DPP6: variants seen among roughly 807,000 people sequenced by gnomAD.
The protein encoded by DPP6 is dipeptidyl peptidase like 6, also known as A-type potassium channel modulatory protein DPP6.
In DPP6, 69 loss-of-function variants were observed where a neutral mutation model predicts 122.6. The observed-to-expected ratio is 0.56, with a 90% confidence interval of 0.46 to 0.69. DPP6 has a LOEUF of 0.69. DPP6 is among the 30% of genes least tolerant of loss of function. The pLI is 0.00. For missense variants in DPP6, 928 were observed against 1,116.9 expected, an observed-to-expected ratio of 0.83 and a Z score of 2.41; for synonymous variants, 418 against 433.1, an observed-to-expected ratio of 0.97 and a Z score of 0.43.
At chr7:154,688,487 AT>A (rs1192456001) in intron 7 of DPP6, among the ~76,000 whole-genome samples, 5 of 152,154 alleles carry the variant, frequency 3.3e-5, no homozygotes, top group African/African-American at 1.2e-4. Flanking sequence ...CTGCTAGTGT[AT>A]TAGTCAGGGT....
At chr7:153,984,784 G>T (rs1436002078) in intron 1 of DPP6, among the ~76,000 whole-genome samples, 1 of 152,136 alleles carries the variant, frequency 6.6e-6, no homozygotes, top group Non-Finnish European at 1.5e-5. Flanking sequence ...TATGTGGAGT[G>T]CTCTGATCTC....
At chr7:154,630,979 T>TA (rs1271895449) in intron 5 of DPP6, among the ~76,000 whole-genome samples, 5 of 151,968 alleles carry the variant, frequency 3.3e-5, no homozygotes, top group South Asian at 2.1e-4. Context: ...AAATTTCACC[T>TA]AAAAAAAAGA....
At chr7:154,174,000 T>A (rs530317632) in intron 1 of DPP6, among the ~76,000 whole-genome samples, 12 of 152,342 alleles carry the variant, frequency 7.9e-5, no homozygotes, top group Admixed American at 5.2e-4. Flanking sequence ...GACATGGGTG[T>A]CTTGCTTAAG....
At chr7:154,129,291 A>C (rs1808185404) in intron 1 of DPP6, among the ~76,000 whole-genome samples, 1 of 152,112 alleles carries the variant, frequency 6.6e-6, no homozygotes, top group Non-Finnish European at 1.5e-5. Context: ...AGCCTGAGTC[A>C]GTTTTGTGCC....
At chr7:154,890,551 C>G (rs1174891595) in intron 25 of DPP6, 1 of 152,218 alleles carries the variant, frequency 6.6e-6, no homozygotes, top group African/African-American at 2.4e-5. Context: ...TCCAAAGGTC[C>G]ATGTGTATGT....
intron 1 of DPP6, among the ~76,000 whole-genome samples, chr7:154,396,115 TCAAATAATGGCA>T (rs1815064045): frequency 2.0e-5 from 3 of 152,172 alleles, no homozygotes; most frequent in Admixed American, 1.3e-4. Flanking sequence ...CTCCAGTCAC[TCAAATAATGGCA>T]CAAATAAAAA....
At chr7:154,406,148 T>C (rs1294979003) in intron 1 of DPP6, among the ~76,000 whole-genome samples, 1 of 152,202 alleles carries the variant, frequency 6.6e-6, no homozygotes. Flanking sequence ...TCAAATGTCA[T>C]GTATTATTAG....
chr7:153,953,258 A>C (rs151132307), intron 1 of DPP6, among the ~76,000 whole-genome samples: 8 of 152,312 alleles, frequency 5.3e-5, no homozygotes, highest in African/African-American at 1.7e-4. Context: ...CAACACCACA[A>C]GAATTAAATA....
intron 1 of DPP6, among the ~76,000 whole-genome samples, chr7:154,281,170 G>A (rs1427423083): frequency 3.9e-5 from 6 of 151,962 alleles, no homozygotes; most frequent in African/African-American, 9.7e-5. Flanking sequence ...GCACCACCAC[G>A]GCCAGCTAAT....
chr7:153,960,246 C>G (rs1795276279), intron 1 of DPP6, among the ~76,000 whole-genome samples: 1 of 152,168 alleles, frequency 6.6e-6, no homozygotes, highest in Non-Finnish European at 1.5e-5. Flanking sequence ...AAAAGGTTCT[C>G]TGTGGCACGT....
At chr7:153,859,600 C>T in the DPP6 span, among the ~76,000 whole-genome samples, 2 of 152,146 alleles carry the variant, frequency 1.3e-5, no homozygotes, top group Admixed American at 6.5e-5. Flanking sequence ...CTGTTTACTG[C>T]CTGTTGCATG....
At chr7:154,306,338 A>G (rs1317982888) in intron 1 of DPP6, among the ~76,000 whole-genome samples, 1 of 152,164 alleles carries the variant, frequency 6.6e-6, no homozygotes, top group African/African-American at 2.4e-5. Context: ...CCCTCCTTGG[A>G]AGATCTTGAG....
At chr7:154,014,985 A>G (rs997148288) in intron 1 of DPP6, among the ~76,000 whole-genome samples, 1 of 152,166 alleles carries the variant, frequency 6.6e-6, no homozygotes, top group Non-Finnish European at 1.5e-5. Context: ...CCAATTTTTC[A>G]TTCAGGCACT....
intron 1 of DPP6, among the ~76,000 whole-genome samples, chr7:154,379,157 C>A (rs1008797442): frequency 5.9e-5 from 9 of 152,192 alleles, no homozygotes; most frequent in African/African-American, 1.9e-4. Flanking sequence ...TTGATAATTA[C>A]AACTCGGTTC....
chr7:153,769,028 C>T, the DPP6 span, among the ~76,000 whole-genome samples: 42 of 152,234 alleles, frequency 2.8e-4, no homozygotes, highest in African/African-American at 9.6e-4. Context: ...TCTTCATTAT[C>T]GGAATGGTAC....
intron 1 of DPP6, among the ~76,000 whole-genome samples, chr7:154,006,719 A>G (rs7806826): frequency 0.71 from 107,063 of 151,830 alleles, 37,403 homozygotes; most frequent in Non-Finnish European, 0.75. Context: ...AAGGTTACCA[A>G]GAAAATGCAA....
intron 1 of DPP6, among the ~76,000 whole-genome samples, chr7:153,892,062 A>T (rs1035053762): frequency 5.3e-5 from 8 of 152,180 alleles, no homozygotes; most frequent in African/African-American, 1.7e-4. Context: ...TGGTTGATGT[A>T]TCTATGGCAT....
the DPP6 span, among the ~76,000 whole-genome samples, chr7:153,791,762 T>C: frequency 6.6e-6 from 1 of 152,194 alleles, no homozygotes; most frequent in East Asian, 1.9e-4. Context: ...TTGGTTCTTA[T>C]AAGAGCAGAC....
At chr7:154,837,998 T>A (rs1207606308) in intron 16 of DPP6, among the ~76,000 whole-genome samples, 2 of 152,224 alleles carry the variant, frequency 1.3e-5, no homozygotes, top group East Asian at 1.9e-4. Context: ...TAAAAATTGT[T>A]CATTTAGTTT....
Sources: allele counts gnomAD v4.1 joint callset (sites outside exome capture counted in the v4.1 genomes callset), GRCh38; gene constraint gnomAD v4.1.1; transcripts MANE v1.5; gene names NCBI Gene and HGNC (gene_info 2026-07-23, HGNC 2026-07-21).